The following KCNIP4 variants were observed in gnomAD, a reference collection of about 807,000 sequenced individuals.
The protein encoded by KCNIP4 is potassium voltage-gated channel interacting protein 4, also known as Kv channel-interacting protein 4.
A neutral mutation model predicts 34.0 loss-of-function variants in KCNIP4; 12 were observed. The observed-to-expected ratio is 0.35, with a 90% CI of 0.23 to 0.57. The LOEUF (loss-of-function observed/expected upper bound fraction) is 0.57, where lower values mean the gene tolerates loss of function less well. Among genes scored for constraint, KCNIP4 ranks in the 20% least tolerant of loss-of-function variants. The pLI, the probability that KCNIP4 is intolerant of heterozygous loss-of-function variation, is 0.83. For missense variants in KCNIP4, 238 were observed against 311.7 expected, an observed-to-expected ratio of 0.76 and a Z score of 1.78; for synonymous variants, 124 against 102.2, an observed-to-expected ratio of 1.21 and a Z score of -1.29.
At chr4:20,966,208 T>C (rs1045208214) in intron 1 of KCNIP4, among the ~76,000 whole-genome samples, 27 of 152,170 alleles carry the variant, frequency 1.8e-4, no homozygotes, top group African/African-American at 6.3e-4. Flanking sequence ...CCCCTGTAAT[T>C]TGTTTAAATT....
chr4:21,877,496 C>T (rs4697245), intron 1 of KCNIP4, among the ~76,000 whole-genome samples: 149,129 of 152,326 alleles, frequency 0.98, 73,083 homozygotes, highest in East Asian at 1. Context: ...AAGTATTACT[C>T]AACAGGACTA....
In KCNIP4 at chr4:20,997,591, G is replaced by C. The variant is rs138841332; in HGVS notation, c.62-114882C>G. ...AGGAAGGGCTGGGAAAGAGGACGCT[G>C]TGAATGACCTGCAGCAGGAACTTGC... On this transcript the variant is annotated intron_variant, in intron 1 of 8. Coordinates refer to ENST00000382152, the MANE Select transcript of KCNIP4 (RefSeq NM_025221.6). Among the ~76,000 whole-genome samples the C allele has an allele frequency of 9.4e-3, 1,431 of 152,304 alleles. 13 individuals are homozygous for C. The highest frequency in any genetic ancestry group is 0.02 in the Middle Eastern group (6 of 294).
At chr4:21,415,691 G>A (rs1177362420) in intron 1 of KCNIP4, among the ~76,000 whole-genome samples, 1 of 152,050 alleles carries the variant, frequency 6.6e-6, no homozygotes, top group Non-Finnish European at 1.5e-5. Flanking sequence ...GACAGAGTGG[G>A]ACTTTGTCTC....
intron 1 of KCNIP4, among the ~76,000 whole-genome samples, chr4:21,440,470 G>C (rs1727365132): frequency 6.6e-6 from 1 of 152,106 alleles, no homozygotes; most frequent in South Asian, 2.1e-4. Flanking sequence ...CATTTTATTT[G>C]CCCTATTCTC....
chr4:21,520,349 G>T (rs1735419963), intron 1 of KCNIP4, among the ~76,000 whole-genome samples: 1 of 152,192 alleles, frequency 6.6e-6, no homozygotes, highest in South Asian at 2.1e-4. Flanking sequence ...CCAGCCTCCA[G>T]AGCTGTGAAA....
At chr4:21,428,428 A>T (rs1577345438) in intron 1 of KCNIP4, among the ~76,000 whole-genome samples, 1 of 152,142 alleles carries the variant, frequency 6.6e-6, no homozygotes, top group Non-Finnish European at 1.5e-5. Flanking sequence ...TCTTCAACTG[A>T]TATTTTTTAC....
intron 1 of KCNIP4, among the ~76,000 whole-genome samples, chr4:21,369,049 A>G (rs1318389678): frequency 6.8e-6 from 1 of 147,248 alleles, no homozygotes. Context: ...GCAAAATCTT[A>G]CAGTTAGGTA....
intron 1 of KCNIP4, among the ~76,000 whole-genome samples, chr4:21,781,020 C>T (rs1304356011): frequency 6.6e-6 from 1 of 152,090 alleles, no homozygotes; most frequent in Non-Finnish European, 1.5e-5. Flanking sequence ...TAAGGGCCCA[C>T]ACCACTCTGG....
intron 3 of KCNIP4, among the ~76,000 whole-genome samples, chr4:20,772,620 T>C (rs1756003012): frequency 7.5e-6 from 1 of 132,626 alleles, no homozygotes; most frequent in African/African-American, 2.6e-5. Flanking sequence ...TTATACATTT[T>C]GTTCCCTTTC....
At chr4:21,391,233 A>G (rs748732989) in intron 1 of KCNIP4, among the ~76,000 whole-genome samples, 11 of 152,204 alleles carry the variant, frequency 7.2e-5, no homozygotes, top group Non-Finnish European at 1.6e-4. Context: ...CAAATACTTT[A>G]TAATTATAAT....
chr4:21,590,158 AGAG>A (rs979767306), intron 1 of KCNIP4, among the ~76,000 whole-genome samples: 1 of 152,038 alleles, frequency 6.6e-6, no homozygotes, highest in African/African-American at 2.4e-5. Context: ...CAAAAAAACT[AGAG>A]GAGGAGTGAA....
chr4:20,916,993 A>C (rs1237735918), intron 1 of KCNIP4, among the ~76,000 whole-genome samples: 1 of 2,250 alleles, frequency 4.4e-4, no homozygotes, highest in African/African-American at 1.5e-3. Context: ...GTTTATATAT[A>C]TATATATATA....
At chr4:21,605,241 C>T (rs544412477) in intron 1 of KCNIP4, among the ~76,000 whole-genome samples, 7 of 152,296 alleles carry the variant, frequency 4.6e-5, no homozygotes, top group Middle Eastern at 3.4e-3. Flanking sequence ...TCCTGAGATT[C>T]TCATTTTCAC....
chr4:21,524,503 T>G (rs1335045502), intron 1 of KCNIP4, among the ~76,000 whole-genome samples: 1 of 152,192 alleles, frequency 6.6e-6, no homozygotes, highest in African/African-American at 2.4e-5. Context: ...TTTCTTATGC[T>G]TCTTTCAATT....
chr4:21,525,397 G>A (rs905635732), intron 1 of KCNIP4, among the ~76,000 whole-genome samples: 2 of 152,060 alleles, frequency 1.3e-5, no homozygotes, highest in African/African-American at 4.8e-5. Context: ...AGTAAAATAA[G>A]GATGTTCTCA....
In KCNIP4 at chr4:21,862,467, C is replaced by T. The variant is rs757339705; in HGVS notation, c.61+86104G>A. On this transcript the variant is annotated intron_variant, in intron 1 of 8. Coordinates refer to ENST00000382152, the MANE Select transcript of KCNIP4 (RefSeq NM_025221.6). ...GTAAAATACAATCAAATGATGGTAACTGCCACAAAGATAAAAAGGCAGGAA... is the reference window on the plus strand; with the variant it reads ...GTAAAATACAATCAAATGATGGTAATTGCCACAAAGATAAAAAGGCAGGAA... 2.0e-5 allele frequency among the ~76,000 whole-genome samples: 3 copies of T among 152,102 alleles called. No homozygotes were observed. The South Asian group carries it at 6.2e-4, about 32-fold the overall frequency.
intron 3 of KCNIP4, among the ~76,000 whole-genome samples, chr4:20,790,254 C>A (rs116247215): frequency 0.018 from 2,722 of 152,234 alleles, 28 homozygotes; most frequent in Non-Finnish European, 0.027. Context: ...GGTATCCTTG[C>A]ACTTACCATG....
chr4:21,593,858 TTGTC>T (rs1454611731), intron 1 of KCNIP4, among the ~76,000 whole-genome samples: 1 of 152,140 alleles, frequency 6.6e-6, no homozygotes, highest in Admixed American at 6.6e-5. Flanking sequence ...AGTGCAAGAA[TTGTC>T]TGTTACTGAG....
chr4:21,002,589 T>C (rs1242375079), intron 1 of KCNIP4, among the ~76,000 whole-genome samples: 4 of 152,184 alleles, frequency 2.6e-5, no homozygotes, highest in Non-Finnish European at 5.9e-5. Context: ...GCAGCAATGC[T>C]GTTCGAAGTG....
Sources: gnomAD v4.1 joint callset for allele counts (sites outside exome capture counted in the v4.1 genomes callset) on GRCh38, gnomAD v4.1.1 for gene constraint, MANE v1.5 for transcripts, NCBI Gene and HGNC (gene_info 2026-07-23, HGNC 2026-07-21) for gene names.